Variants in BRCA1 observed in about 807,000 individuals in gnomAD.
BRCA1 encodes the protein breast cancer type 1 susceptibility protein.
BRCA1 carries 140 observed loss-of-function variants against 173.7 expected under a neutral mutation model. The observed-to-expected ratio is 0.81, with a 90% confidence interval of 0.70 to 0.93. BRCA1 has a LOEUF of 0.93. Ranked by LOEUF, BRCA1 falls within the 40% of genes least tolerant of loss-of-function variation. The pLI is 0.00. For synonymous variants in BRCA1, 662 were observed against 756.0 expected, an observed-to-expected ratio of 0.88 and a Z score of 2.04; for missense variants, 1,983 against 2,172.5, an observed-to-expected ratio of 0.91 and a Z score of 1.73.
At chr17:43,125,241 C>T (rs1396251367) in intron 1 of BRCA1, 30 bp downstream of exon 1, 1 of 456,142 alleles carries the variant, frequency 2.2e-6, no homozygotes, top group East Asian at 7.0e-5. Flanking sequence ...ATCACTTGGG[C>T]CCCCTGTCCC....
intron 6 of BRCA1, 63 bp downstream of exon 6, chr17:43,104,059 A>AAAAAAAAAAAG (rs869087267): frequency 1.4e-6 from 1 of 721,298 alleles, no homozygotes; most frequent in Non-Finnish European, 1.8e-6. Flanking sequence ...CTCCATCTCA[A>AAAAAAAAAAAG]AAAAAAAAAA....
chr17:43,123,276 T>C (rs1227542590), intron 2 of BRCA1, among the ~76,000 whole-genome samples: 3 of 151,944 alleles, frequency 2.0e-5, no homozygotes, highest in Non-Finnish European at 4.4e-5. Flanking sequence ...TGTAATTTCA[T>C]TGTATGTACA....
Position 43,092,966 on chromosome 17 carries a change from C to T in BRCA1, c.2565G>A (p.Gln855=), listed in dbSNP as rs1597869178. The T allele has an allele frequency of 6.2e-7, 1 of 1,613,644 alleles. No individual in the cohort carries two copies. The highest frequency in any genetic ancestry group is 8.5e-7 in the Non-Finnish European group (1 of 1,179,736). ...IEMEESELDA[Q]YLQNTFKVSK... Reference sequence around the variant, plus strand: ...AAACCTTGAATGTATTCTGCAAATACTGAGCATCAAGTTCACTTTCTTCCA... The same window carrying T: ...AAACCTTGAATGTATTCTGCAAATATTGAGCATCAAGTTCACTTTCTTCCA... Residue 855 remains glutamine, a synonymous_variant, in exon 10 of 23, where the codon CAG becomes CAA. Coordinates refer to ENST00000357654, the MANE Select transcript of BRCA1 (RefSeq NM_007294.4).
chr17:43,108,435 G>A (rs1057012738), intron 3 of BRCA1, among the ~76,000 whole-genome samples: 3 of 151,686 alleles, frequency 2.0e-5, no homozygotes, highest in Admixed American at 2.0e-4. Flanking sequence ...TCTTGGCCGG[G>A]TGCAGTGGCT....
rs2154394845 is a variant in BRCA1, at chr17:43,093,342, T to G, written c.2189A>C (p.Glu730Ala). Residue 730 changes from glutamate (E) to alanine (A), a missense_variant, in exon 10 of 23, where the codon GAA (glutamate) becomes GCA (alanine). By Grantham distance (107) the Glu-to-Ala change is moderately radical (BLOSUM62 -1). Coordinates refer to ENST00000357654, the MANE Select transcript of BRCA1 (RefSeq NM_007294.4). ...EFVNPSLPRE[E>A]KEEKLETVKV... is the part of the protein sequence containing the mutation. ...AACTGTTTCTAGTTTCTCTTCTTTT[T>G]CTTCTCTTGGAAGGCTAGGATTGAC... The G allele has an allele frequency of 6.2e-7, 1 of 1,613,512 alleles. No homozygotes were observed. Among genetic ancestry groups the G allele is most frequent in the Non-Finnish European group, 8.5e-7 (1 of 1,179,864 alleles).
At chr17:43,138,146 T>C (rs546290475) in intron 1 of BRCA1, 21 of 170,904 alleles carry the variant, frequency 1.2e-4, no homozygotes, top group Admixed American at 4.9e-4. Context: ...ATTGTGCCAT[T>C]GCATTCCAGA....
chr17:43,053,346 A>G (rs2051328244), intron 19 of BRCA1, among the ~76,000 whole-genome samples: 2 of 152,190 alleles, frequency 1.3e-5, no homozygotes, highest in African/African-American at 2.4e-5. Flanking sequence ...AGTGATGAGG[A>G]TGCCTAGTTA....
At chr17:43,127,865 A>G (rs12947782), upstream of BRCA1, among the ~76,000 whole-genome samples, 47,961 of 145,184 alleles carry the variant, frequency 0.33, 7,923 homozygotes, top group South Asian at 0.49. Flanking sequence ...TCTACTAAAA[A>G]GACAAAATAT....
At position 43,092,065 on chromosome 17, in the gene BRCA1, C is replaced by T. The variant is rs1064793302; in HGVS notation, c.3466G>A (p.Asp1156Asn). The change falls in exon 10 of 23, where the codon GAT becomes AAT. Residue 1156 changes from aspartate (D) to asparagine (N), a missense_variant. Transcript: ENST00000357654. ...CSETPDDLLD[D>N]GEIKEDTSFA... is the part of the protein sequence containing the mutation. ...CTAGTATCTTCCTTTATTTCACCAT[C>T]ATCTAACAGGTCATCAGGTGTCTCA... 6.2e-7 allele frequency: 1 copy of T among 1,614,082 alleles called. No homozygotes were observed. The highest frequency in any genetic ancestry group is 2.2e-5 in the East Asian group (1 of 44,890).
Position 43,101,506 on chromosome 17 carries a change from T to C in BRCA1, c.442-1626A>G, listed in dbSNP as rs1597892376. On this transcript the variant is annotated intron_variant, in intron 6 of 22. Transcript: ENST00000357654. ...CACTGCGCCCAGCTAGAACAATTAC[T>C]TTTTTTTCTTTTTTGAGACAGAGTC... Among the ~76,000 whole-genome samples, 3 of 151,860 alleles carry C rather than the reference T, an allele frequency of 2.0e-5. No individual in the cohort carries two copies. The South Asian group carries it at 6.3e-4, about 32-fold the overall frequency.
chr17:43,100,694 T>TAATATATA (rs1209563161), intron 6 of BRCA1, among the ~76,000 whole-genome samples: 1 of 23,364 alleles, frequency 4.3e-5, no homozygotes, highest in African/African-American at 7.4e-5. Flanking sequence ...TATATATATA[T>TAATATATA]ATATATATGT....
chr17:43,164,461 C>A (rs1214957632), intron 1 of BRCA1: 1 of 152,136 alleles, frequency 6.6e-6, no homozygotes, highest in Non-Finnish European at 1.5e-5. Flanking sequence ...CAGGGTATAA[C>A]AAGGCAAGCA....
At chr17:43,139,443 G>A (rs1035237396) in intron 1 of BRCA1, among the ~76,000 whole-genome samples, 2 of 150,980 alleles carry the variant, frequency 1.3e-5, no homozygotes, top group African/African-American at 2.4e-5. Context: ...TGCAACTTCC[G>A]CCTCCCAGGT....
chr17:43,065,238 T>C (rs972524575), intron 16 of BRCA1, among the ~76,000 whole-genome samples: 1 of 152,210 alleles, frequency 6.6e-6, no homozygotes, highest in African/African-American at 2.4e-5. Context: ...TTCTGGCACC[T>C]GGCTCCAATG....
chr17:43,122,559 G>A (rs1252222390), intron 2 of BRCA1, among the ~76,000 whole-genome samples: 3 of 152,134 alleles, frequency 2.0e-5, no homozygotes, highest in African/African-American at 7.2e-5. Flanking sequence ...TGCTGGGGGT[G>A]TGGTAATTTT....
intron 1 of BRCA1, among the ~76,000 whole-genome samples, chr17:43,142,950 ATGTGTG>A (rs1163739976): frequency 7.4e-6 from 1 of 134,858 alleles, no homozygotes; most frequent in African/African-American, 2.7e-5. Flanking sequence ...GTATATATAT[ATGTGTG>A]TGTGTGTGTG....
intron 1 of BRCA1, chr17:43,138,698 A>G: frequency 1.3e-6 from 1 of 779,366 alleles, no homozygotes. Context: ...CTCCCTTGCC[A>G]GCAGGGTGCT....
Position 43,091,629 on chromosome 17 carries a change from C to T in BRCA1, c.3902G>A (p.Ser1301Asn), listed in dbSNP as rs1057519496. The T allele has an allele frequency of 8.1e-6, 13 of 1,614,108 alleles. No homozygotes were observed. The highest frequency in any genetic ancestry group is 1.1e-5 in the Non-Finnish European group (13 of 1,180,048). Reference protein sequence around the residue: ...CSASLFSSQCSELEDLTANTN... With the variant: ...CSASLFSSQCNELEDLTANTN... The stretch of plus-strand genomic sequence containing the variant: ...ATTTGCAGTCAAGTCTTCCAATTCA[C>T]TGCACTGTGAAGAAAACAAGCTAGC... Residue 1301 changes from serine (S) to asparagine (N), a missense_variant, in exon 10 of 23, where the codon AGT becomes AAT. Transcript: ENST00000357654.
intron 1 of BRCA1, among the ~76,000 whole-genome samples, chr17:43,147,218 C>T (rs1303030501): frequency 1.3e-5 from 2 of 151,450 alleles, no homozygotes; most frequent in Non-Finnish European, 1.5e-5. Context: ...GAGACAGAGT[C>T]TCGCTCTGTA....
Sources: allele counts gnomAD v4.1 joint callset (sites outside exome capture counted in the v4.1 genomes callset), GRCh38; gene constraint gnomAD v4.1.1; transcripts MANE v1.5; gene names NCBI Gene and HGNC (gene_info 2026-07-23, HGNC 2026-07-21).